RANBP2: variants seen among roughly 807,000 people sequenced by gnomAD.
RANBP2 encodes the protein E3 SUMO-protein ligase RanBP2.
In RANBP2, 57 loss-of-function variants were observed where a neutral mutation model predicts 303.6. That is an observed-to-expected ratio of 0.19 (90% CI 0.15 to 0.23). RANBP2 has a LOEUF of 0.23. Among genes scored for constraint, RANBP2 ranks in the 10% least tolerant of loss-of-function variants. The probability of loss-of-function intolerance (pLI) is 1.00; values close to 1 mark genes in which losing one functional copy is unlikely to be tolerated. For missense variants in RANBP2, 3,138 were observed against 3,780.8 expected (o/e 0.83, Z 4.46); for synonymous variants, 1,167 against 1,301.5 (o/e 0.90, Z 2.23).
the RANBP2 span, among the ~76,000 whole-genome samples, chr2:109,663,241 C>T: frequency 5.0e-4 from 76 of 152,314 alleles, no homozygotes; most frequent in African/African-American, 1.8e-3. Flanking sequence ...TCCTCAAAGA[C>T]CTTTTTCCTC....
chr2:108,863,948 AC>A, the RANBP2 span, among the ~76,000 whole-genome samples: 32 of 152,220 alleles, frequency 2.1e-4, no homozygotes, highest in African/African-American at 7.7e-4. Context: ...ATTAAAAGTT[AC>A]ATAATCACTT....
chr2:108,750,577 C>A (rs1373418044), intron 9 of RANBP2, among the ~76,000 whole-genome samples: 1 of 137,694 alleles, frequency 7.3e-6, no homozygotes, highest in Non-Finnish European at 1.5e-5. Flanking sequence ...CTTTTCTTTT[C>A]TTTTCTTTTC....
the RANBP2 span, among the ~76,000 whole-genome samples, chr2:109,508,715 C>T: frequency 6.6e-6 from 1 of 152,206 alleles, no homozygotes; most frequent in African/African-American, 2.4e-5. Context: ...CCTCGATGGC[C>T]TGGCTTCACC....
At chr2:108,994,830 CT>C in the RANBP2 span, among the ~76,000 whole-genome samples, 20 of 5,584 alleles carry the variant, frequency 3.6e-3, no homozygotes, top group African/African-American at 0.014. Flanking sequence ...ATATATATAT[CT>C]TTTTTTTTTT....
At chr2:108,789,044 A>G (rs1679461343), downstream of RANBP2, 8 of 1,511,358 alleles carry the variant, frequency 5.3e-6, no homozygotes, top group South Asian at 5.8e-5. Context: ...GGCAGGTTAT[A>G]TTTTTGCTCT....
the RANBP2 span, among the ~76,000 whole-genome samples, chr2:108,903,194 A>C: frequency 1.3e-5 from 2 of 152,198 alleles, no homozygotes; most frequent in Admixed American, 1.3e-4. Context: ...TATGCACAGA[A>C]CTTGTATTTC....
chr2:109,624,184 G>T, the RANBP2 span, among the ~76,000 whole-genome samples: 1 of 152,216 alleles, frequency 6.6e-6, no homozygotes, highest in South Asian at 2.1e-4. Flanking sequence ...TCACTCAGGT[G>T]GTGCTCCAGG....
the RANBP2 span, among the ~76,000 whole-genome samples, chr2:109,629,723 A>G: frequency 6.6e-6 from 1 of 151,978 alleles, no homozygotes; most frequent in African/African-American, 2.4e-5. Context: ...AGGCAGAAGA[A>G]TCGCTTGAAC....
the RANBP2 span, among the ~76,000 whole-genome samples, chr2:109,264,443 G>A: frequency 0.31 from 47,336 of 152,028 alleles, 8,319 homozygotes; most frequent in Non-Finnish European, 0.4. Flanking sequence ...CCCCAAGTCT[G>A]TGTGTGCTCC....
At chr2:109,543,965 T>G in the RANBP2 span, 1 of 583,868 alleles carries the variant, frequency 1.7e-6, no homozygotes, top group African/African-American at 1.9e-5. Flanking sequence ...AAAAATTTTG[T>G]GCAAGAAACA....
At chr2:109,496,232 C>T in the RANBP2 span, among the ~76,000 whole-genome samples, 10 of 152,250 alleles carry the variant, frequency 6.6e-5, no homozygotes, top group South Asian at 4.1e-4. Flanking sequence ...CTGATTGGCG[C>T]GTTTTACAGA....
At chr2:108,924,566 G>C in the RANBP2 span, among the ~76,000 whole-genome samples, 1,400 of 152,250 alleles carry the variant, frequency 9.2e-3, 23 homozygotes, top group African/African-American at 0.033. Flanking sequence ...TATTAGCCAG[G>C]CCCCATGGAG....
At chr2:109,548,476 G>A in the RANBP2 span, among the ~76,000 whole-genome samples, 2 of 152,098 alleles carry the variant, frequency 1.3e-5, no homozygotes, top group African/African-American at 2.4e-5. Flanking sequence ...GAGCCACAGC[G>A]CCTGGCTATG....
At chr2:109,433,665 A>T in the RANBP2 span, among the ~76,000 whole-genome samples, 5 of 152,322 alleles carry the variant, frequency 3.3e-5, no homozygotes, top group South Asian at 2.1e-4. Flanking sequence ...CTCGGGACAC[A>T]TGCGGTGTTG....
the RANBP2 span, among the ~76,000 whole-genome samples, chr2:109,627,039 A>G: frequency 6.6e-6 from 1 of 152,128 alleles, no homozygotes; most frequent in African/African-American, 2.4e-5. Flanking sequence ...GTAGTGGCAC[A>G]CACCTGTAAT....
At chr2:109,315,900 A>G in the RANBP2 span, among the ~76,000 whole-genome samples, 1 of 152,166 alleles carries the variant, frequency 6.6e-6, no homozygotes, top group Non-Finnish European at 1.5e-5. Context: ...GTCACCTGCG[A>G]CCAGCATAGG....
At chr2:109,422,261 A>G in the RANBP2 span, among the ~76,000 whole-genome samples, 1 of 152,228 alleles carries the variant, frequency 6.6e-6, no homozygotes, top group African/African-American at 2.4e-5. Flanking sequence ...GACTCCAGCC[A>G]GGGCCCAGAT....
the RANBP2 span, among the ~76,000 whole-genome samples, chr2:109,348,578 A>C: frequency 6.6e-6 from 1 of 152,212 alleles, no homozygotes; most frequent in South Asian, 2.1e-4. Context: ...TTGCTGTTGA[A>C]TAATCATCTG....
At chr2:109,164,163 C>G in the RANBP2 span, among the ~76,000 whole-genome samples, 4 of 152,010 alleles carry the variant, frequency 2.6e-5, no homozygotes, top group South Asian at 8.3e-4. Context: ...ACTCTGATGC[C>G]TCTCTCTTTT....
Sources: gnomAD v4.1 joint callset for allele counts (sites outside exome capture counted in the v4.1 genomes callset) on GRCh38, gnomAD v4.1.1 for gene constraint, MANE v1.5 for transcripts, NCBI Gene and HGNC (gene_info 2026-07-23, HGNC 2026-07-21) for gene names.